Variants in SLC9A9 observed in about 807,000 individuals in gnomAD.
SLC9A9 encodes the protein sodium/hydrogen exchanger 9.
A neutral mutation model predicts 77.8 loss-of-function variants in SLC9A9; 62 were observed. The observed-to-expected ratio is 0.80, with a 90% CI of 0.65 to 0.98. The LOEUF (loss-of-function observed/expected upper bound fraction) is 0.98, where lower values mean the gene tolerates loss of function less well. SLC9A9 is among the 50% of genes least tolerant of loss of function. The probability of loss-of-function intolerance (pLI) is 0.00; values close to 1 mark genes in which losing one functional copy is unlikely to be tolerated. For synonymous variants in SLC9A9, 320 were observed against 283.5 expected (o/e 1.13, Z -1.29); for missense variants, 775 against 774.9 (o/e 1.00, Z 0.00).
chr3:143,574,238 A>G (rs749631358), intron 7 of SLC9A9, 45 bp from the exon 8 acceptor site: 13 of 1,459,676 alleles, frequency 8.9e-6, no homozygotes, highest in African/African-American at 1.4e-5. Context: ...TTTTACAGCT[A>G]CATCTCCTTC....
intron 6 of SLC9A9, among the ~76,000 whole-genome samples, chr3:143,634,780 C>T (rs910592203): frequency 6.6e-6 from 1 of 152,072 alleles, no homozygotes; most frequent in Non-Finnish European, 1.5e-5. Context: ...ATTGTGGGCT[C>T]TTCTTTGGCT....
chr3:143,668,309 C>T (rs1486394342), intron 5 of SLC9A9, among the ~76,000 whole-genome samples: 1 of 126,942 alleles, frequency 7.9e-6, no homozygotes. Flanking sequence ...GGGTGGGGAA[C>T]ATCACACCCT....
At chr3:143,803,083 G>A (rs1395578525) in intron 2 of SLC9A9, among the ~76,000 whole-genome samples, 4 of 152,038 alleles carry the variant, frequency 2.6e-5, no homozygotes, top group African/African-American at 7.3e-5. Flanking sequence ...CTACAACCTC[G>A]ATGGACTGGA....
At chr3:143,590,832 A>G (rs892117196) in intron 6 of SLC9A9, among the ~76,000 whole-genome samples, 1 of 152,218 alleles carries the variant, frequency 6.6e-6, no homozygotes, top group African/African-American at 2.4e-5. Context: ...CTTTCATGGC[A>G]AGATCACCAA....
intron 6 of SLC9A9, among the ~76,000 whole-genome samples, chr3:143,641,411 A>AGACAGAGTCTTGCTCTGTTGCCTAGGC (rs2038620109): frequency 2.4e-4 from 5 of 21,226 alleles, no homozygotes; most frequent in African/African-American, 6.0e-4. Flanking sequence ...TTTTTTTTTG[A>AGACAGAGTCTTGCTCTGTTGCCTAGGC]GACAGAGTCT....
chr3:143,758,136 C>T (rs1278953361), intron 4 of SLC9A9, among the ~76,000 whole-genome samples: 2 of 152,178 alleles, frequency 1.3e-5, no homozygotes, highest in Non-Finnish European at 2.9e-5. Flanking sequence ...TCATTTATAA[C>T]ACTCAGTTCT....
At chr3:143,540,025 T>G (rs1032740870) in intron 9 of SLC9A9, among the ~76,000 whole-genome samples, 5 of 152,008 alleles carry the variant, frequency 3.3e-5, no homozygotes, top group African/African-American at 1.2e-4. Context: ...ATGAGGTAAG[T>G]ATACTTTCTT....
At chr3:143,681,679 G>C (rs939193077) in intron 5 of SLC9A9, among the ~76,000 whole-genome samples, 4 of 152,096 alleles carry the variant, frequency 2.6e-5, no homozygotes, top group Non-Finnish European at 5.9e-5. Flanking sequence ...TTATTTCCTG[G>C]GTGTGTGCTC....
chr3:143,675,577 T>C lies in SLC9A9; in HGVS notation c.649+17615A>G, dbSNP rs1339733115. On this transcript the variant is annotated intron_variant, in intron 5 of 15. Coordinates refer to ENST00000316549, the MANE Select transcript of SLC9A9 (RefSeq NM_173653.4). ...AGCTACTGGAGCAAGCAGAGATGTG[T>C]GACTTACATGTAATATGAGAAGTCA... 2.6e-5 allele frequency among the ~76,000 whole-genome samples: 4 copies of C among 152,354 alleles called. No individual in the cohort carries two copies. In the East Asian group the frequency reaches 7.7e-4, roughly 29 times the overall value.
chr3:143,627,648 GT>G, intron 6 of SLC9A9: 1 of 204,702 alleles, frequency 4.9e-6, no homozygotes, highest in South Asian at 9.0e-5. Context: ...TGCTGTACAG[GT>G]TAGAGTGAGG....
intron 4 of SLC9A9, among the ~76,000 whole-genome samples, chr3:143,757,880 G>A (rs1336616065): frequency 6.6e-6 from 1 of 152,132 alleles, no homozygotes; most frequent in Non-Finnish European, 1.5e-5. Context: ...ACGAGATAAG[G>A]AGGAGAAGGA....
intron 2 of SLC9A9, among the ~76,000 whole-genome samples, chr3:143,816,091 C>T (rs113433113): frequency 5.3e-5 from 8 of 152,204 alleles, no homozygotes; most frequent in African/African-American, 1.9e-4. Flanking sequence ...CCTCTTCTCA[C>T]CCAGCCCCAG....
At chr3:143,506,118 A>G (rs1559944439) in intron 9 of SLC9A9, among the ~76,000 whole-genome samples, 1 of 152,254 alleles carries the variant, frequency 6.6e-6, no homozygotes, top group South Asian at 2.1e-4. Flanking sequence ...GATACTGCTC[A>G]GAGATATTGG....
intron 4 of SLC9A9, among the ~76,000 whole-genome samples, chr3:143,728,695 G>A (rs1427994708): frequency 3.9e-5 from 6 of 152,106 alleles, no homozygotes; most frequent in Admixed American, 2.6e-4. Flanking sequence ...GAATGACAGT[G>A]TATTGGCTTC....
chr3:143,560,458 C>T (rs1037704531), intron 8 of SLC9A9, among the ~76,000 whole-genome samples: 2 of 151,952 alleles, frequency 1.3e-5, no homozygotes, highest in Admixed American at 6.6e-5. Flanking sequence ...ATATCTTTTG[C>T]TAATTTCAAA....
At chr3:143,294,109 A>G (rs569618511) in intron 14 of SLC9A9, among the ~76,000 whole-genome samples, 1 of 152,354 alleles carries the variant, frequency 6.6e-6, no homozygotes, top group Admixed American at 6.5e-5. Context: ...TAAAAAAATC[A>G]ATGGACTATT....
At chr3:143,789,058 T>C (rs1159391028) in intron 4 of SLC9A9, among the ~76,000 whole-genome samples, 1 of 152,026 alleles carries the variant, frequency 6.6e-6, no homozygotes, top group Non-Finnish European at 1.5e-5. Flanking sequence ...TTTGAAAAAA[T>C]AAATTCATTT....
chr3:143,548,882 C>T (rs1035850806), intron 9 of SLC9A9, among the ~76,000 whole-genome samples: 11 of 152,188 alleles, frequency 7.2e-5, no homozygotes, highest in African/African-American at 1.9e-4. Context: ...CTGGTATAGA[C>T]ACAGTTGAAT....
intron 14 of SLC9A9, among the ~76,000 whole-genome samples, chr3:143,296,568 G>T (rs1238507792): frequency 6.6e-6 from 1 of 152,142 alleles, no homozygotes; most frequent in Non-Finnish European, 1.5e-5. Context: ...ATTCTTTTGG[G>T]TATATACCCA....
Sources: gnomAD v4.1 joint callset for allele counts (sites outside exome capture counted in the v4.1 genomes callset) on GRCh38, gnomAD v4.1.1 for gene constraint, MANE v1.5 for transcripts, NCBI Gene and HGNC (gene_info 2026-07-23, HGNC 2026-07-21) for gene names.